Variants in NUDT9 observed in about 807,000 individuals in gnomAD.
The protein encoded by NUDT9 is nudix hydrolase 9, also known as ADP-ribose pyrophosphatase.
A neutral mutation model predicts 41.0 loss-of-function variants in NUDT9; 31 were observed. The ratio of observed to expected loss-of-function variants is 0.76; its 90% CI spans 0.57 to 1.02. The LOEUF is 1.02. Among genes scored for constraint, NUDT9 ranks in the 50% least tolerant of loss-of-function variants. The pLI is 0.00. For synonymous variants in NUDT9, 146 were observed against 147.6 expected, an observed-to-expected ratio of 0.99 and a Z score of 0.08; for missense variants, 380 against 431.4, an observed-to-expected ratio of 0.88 and a Z score of 1.06.
At chr4:87,423,941 TC>T (rs1325230916) in intron 1 of NUDT9, among the ~76,000 whole-genome samples, 2 of 152,244 alleles carry the variant, frequency 1.3e-5, no homozygotes, top group East Asian at 3.8e-4. Flanking sequence ...GAGCAACTTC[TC>T]TGCTGAGTAT....
chr4:87,422,985 C>T lies in NUDT9; in HGVS notation c.80C>T (p.Ser27Leu). The stretch of plus-strand genomic sequence containing the variant: ...TTGGCCTCTGTGACTATCAGGTCCT[C>T]GCGCTGCCGCGGCATCCAGGCGTTC... ...LALASVTIRS[S>L]RCRGIQAFRN... The change falls in exon 1 of 8, where the codon TCG (serine) becomes TTG (leucine). Residue 27 changes from serine (S) to leucine (L), a missense_variant. Transcript: ENST00000302174. The T allele has an allele frequency of 6.2e-7, 1 of 1,612,942 alleles. No individual in the cohort carries two copies. The highest frequency in any genetic ancestry group is 1.1e-5 in the South Asian group (1 of 90,868).
At chr4:87,424,767 C>G (rs569435531) in intron 1 of NUDT9, among the ~76,000 whole-genome samples, 1 of 152,260 alleles carries the variant, frequency 6.6e-6, no homozygotes, top group Middle Eastern at 3.4e-3. Context: ...TGTGTGCTCT[C>G]TGGAAATCTC....
intron 7 of NUDT9, among the ~76,000 whole-genome samples, chr4:87,456,584 G>A (rs1578082916): frequency 1.3e-5 from 2 of 152,130 alleles, no homozygotes; most frequent in African/African-American, 4.8e-5. Flanking sequence ...ATACTGGTAT[G>A]GCTGACCCCC....
chr4:87,456,003 G>A (rs1304588659), intron 7 of NUDT9, among the ~76,000 whole-genome samples: 1 of 152,024 alleles, frequency 6.6e-6, no homozygotes, highest in Non-Finnish European at 1.5e-5. Flanking sequence ...AACTTGTAAG[G>A]GAACTAAGGC....
At chr4:87,456,884 T>C (rs1723014945) in intron 7 of NUDT9, among the ~76,000 whole-genome samples, 1 of 152,176 alleles carries the variant, frequency 6.6e-6, no homozygotes, top group African/African-American at 2.4e-5. Context: ...TGAGCCGTGA[T>C]TGTGCCACTG....
intron 4 of NUDT9, 56 bp downstream of exon 4, chr4:87,441,971 C>A: frequency 1.6e-6 from 2 of 1,225,630 alleles, no homozygotes; most frequent in South Asian, 1.4e-5. Flanking sequence ...AGAAAAATTG[C>A]AGACTGTAGC....
At chr4:87,423,407 CT>C (rs772001387) in intron 1 of NUDT9, among the ~76,000 whole-genome samples, 19 of 152,128 alleles carry the variant, frequency 1.2e-4, no homozygotes, top group Admixed American at 7.2e-4. Context: ...ACTATTCCCC[CT>C]GTCCCCTTTC....
chr4:87,448,038 A>G (rs1341360571), intron 4 of NUDT9, among the ~76,000 whole-genome samples: 1 of 151,890 alleles, frequency 6.6e-6, no homozygotes, highest in Non-Finnish European at 1.5e-5. Flanking sequence ...TCTTTTTAAA[A>G]AAAAAAAAAA....
chr4:87,423,671 T>G (rs969213885), intron 1 of NUDT9, among the ~76,000 whole-genome samples: 1 of 152,254 alleles, frequency 6.6e-6, no homozygotes, highest in Non-Finnish European at 1.5e-5. Context: ...ATTTACTTAC[T>G]GTTGGTCAAT....
chr4:87,425,455 C>T (rs116381096), intron 1 of NUDT9, among the ~76,000 whole-genome samples: 4,629 of 132,108 alleles, frequency 0.035, 97 homozygotes, highest in Middle Eastern at 0.083. Context: ...AGTGCGGTGG[C>T]GTGATCTTGG....
At chr4:87,456,731 C>T (rs190506571) in intron 7 of NUDT9, among the ~76,000 whole-genome samples, 1 of 152,112 alleles carries the variant, frequency 6.6e-6, no homozygotes, top group Non-Finnish European at 1.5e-5. Flanking sequence ...ATTTGCCTGT[C>T]TCTCCAGTTT....
Position 87,451,487 on chromosome 4 carries a change from T to TA in NUDT9, c.643-101dup. The TA allele has an allele frequency of 3.4e-6, 3 of 889,244 alleles. No individual in the cohort carries two copies. The South Asian group carries it at 5.2e-5, about 15-fold the overall frequency. The allele number at this position is 889,244 out of a possible 1,614,324, so 55.1% of individuals were successfully genotyped here. A position where few individuals can be genotyped will look rare whatever the true frequency, so the allele number is the denominator to read the frequency against. ...CACAGAGAAATGGGGATCACTATTA[T>TA]AGGCAGATTGAATAATAAATGTTCA... On this transcript the variant is annotated intron_variant, in intron 5 of 7. Transcript: ENST00000302174.
At chr4:87,432,414 AT>A (rs1721727468) in intron 1 of NUDT9, among the ~76,000 whole-genome samples, 1 of 152,098 alleles carries the variant, frequency 6.6e-6, no homozygotes, top group Non-Finnish European at 1.5e-5. Context: ...CTGATTTTGG[AT>A]TTTTGGATTA....
intron 1 of NUDT9, among the ~76,000 whole-genome samples, chr4:87,432,302 T>C (rs1004941124): frequency 6.6e-6 from 1 of 152,218 alleles, no homozygotes; most frequent in African/African-American, 2.4e-5. Flanking sequence ...TTTTATACAG[T>C]ATTTTAAACT....
Position 87,458,118 on chromosome 4 carries a change from C to T in NUDT9, c.*97C>T. On this transcript the variant is annotated 3_prime_UTR_variant, in exon 8 of 8. Transcript: ENST00000302174. ...TATACTATAAAAAGGGCAGGGTAGG[C>T]CACTTGGCCTATTTACTTTCAAAAC... The T allele has an allele frequency of 8.9e-7, 1 of 1,118,466 alleles. No homozygotes were observed. Among genetic ancestry groups the T allele is most frequent in the Middle Eastern group, 2.5e-4 (1 of 4,020 alleles). The allele number at this position is 1,118,466 out of a possible 1,614,324, so 69.3% of individuals were successfully genotyped here. A position where few individuals can be genotyped will look rare whatever the true frequency, so the allele number is the denominator to read the frequency against.
At chr4:87,449,395 G>T (rs1722612507) in intron 5 of NUDT9, 142 bp downstream of exon 5, 2 of 579,760 alleles carry the variant, frequency 3.4e-6, no homozygotes, top group South Asian at 2.0e-5. Flanking sequence ...TTTCATCCCT[G>T]CATGAAGTGT....
intron 1 of NUDT9, among the ~76,000 whole-genome samples, chr4:87,432,645 C>T (rs1416201704): frequency 2.0e-5 from 3 of 152,116 alleles, no homozygotes; most frequent in Non-Finnish European, 4.4e-5. Context: ...GTGGGCTTTT[C>T]ATATATGGCC....
chr4:87,451,117 CT>C (rs2110188652), intron 5 of NUDT9, among the ~76,000 whole-genome samples: 1 of 152,280 alleles, frequency 6.6e-6, no homozygotes, highest in African/African-American at 2.4e-5. Flanking sequence ...TGTTAGGTAA[CT>C]ATCTGAAGGA....
intron 7 of NUDT9, among the ~76,000 whole-genome samples, chr4:87,457,560 CATGTA>C (rs1560802183): frequency 2.6e-5 from 4 of 152,088 alleles, no homozygotes; most frequent in Admixed American, 1.3e-4. Context: ...GTTTCATATT[CATGTA>C]ATATAATCTC....
Sources: allele counts gnomAD v4.1 joint callset (sites outside exome capture counted in the v4.1 genomes callset), GRCh38; gene constraint gnomAD v4.1.1; transcripts MANE v1.5; gene names NCBI Gene and HGNC (gene_info 2026-07-23, HGNC 2026-07-21).